Variants in NECAB1 observed in about 807,000 individuals in gnomAD.
NECAB1 encodes the protein N-terminal EF-hand calcium binding protein 1, also known as N-terminal EF-hand calcium-binding protein 1.
NECAB1 carries 29 observed loss-of-function variants against 57.5 expected under a neutral mutation model. The observed-to-expected ratio is 0.50, with a 90% CI of 0.38 to 0.69. The LOEUF (loss-of-function observed/expected upper bound fraction) is 0.69. NECAB1 is among the 30% of genes least tolerant of loss of function. The pLI, the probability that NECAB1 is intolerant of heterozygous loss-of-function variation, is 0.00. For synonymous variants in NECAB1, 142 were observed against 147.7 expected (o/e 0.96, Z 0.28); for missense variants, 372 against 413.8 (o/e 0.90, Z 0.88).
At chr8:90,831,562 G>C (rs540142306) in intron 3 of NECAB1, among the ~76,000 whole-genome samples, 1 of 152,220 alleles carries the variant, frequency 6.6e-6, no homozygotes, top group East Asian at 1.9e-4. Context: ...TGAAGTCAGG[G>C]AGAATTCTGT....
At chr8:90,817,523 A>G (rs151005477) in intron 2 of NECAB1, among the ~76,000 whole-genome samples, 4 of 151,308 alleles carry the variant, frequency 2.6e-5, no homozygotes, top group African/African-American at 9.7e-5. Flanking sequence ...GAGAGTTATT[A>G]ATGGGTGTAT....
rs373303192 is a variant in NECAB1 at position 90,875,213 on chromosome 8, G to A, written c.259+3060G>A. On this transcript the variant is annotated intron_variant, in intron 4 of 12. Transcript: ENST00000417640. Reference sequence around the variant, plus strand: ...ATAGATAGTTGAGGCCGGGCGCGGTGGCTCACGCCTGTAATCCCAGCACTT... The same window carrying A: ...ATAGATAGTTGAGGCCGGGCGCGGTAGCTCACGCCTGTAATCCCAGCACTT... Among the ~76,000 whole-genome samples, 100 of 152,170 alleles carry A rather than the reference G, an allele frequency of 6.6e-4. 1 individual carries two copies. Among genetic ancestry groups the A allele is most frequent in the African/African-American group, 2.1e-3 (88 of 41,522 alleles).
intron 10 of NECAB1, among the ~76,000 whole-genome samples, chr8:90,941,439 A>T (rs929999032): frequency 6.6e-6 from 1 of 152,236 alleles, no homozygotes; most frequent in Non-Finnish European, 1.5e-5. Context: ...GGTACCACCC[A>T]GCTCAGGCTT....
chr8:90,909,987 T>A (rs1252745234), intron 5 of NECAB1, among the ~76,000 whole-genome samples: 1 of 152,072 alleles, frequency 6.6e-6, no homozygotes, highest in East Asian at 1.9e-4. Context: ...AAATCCCTTT[T>A]ATTTGTTTTC....
chr8:90,877,768 A>G (rs1045615853), intron 4 of NECAB1, among the ~76,000 whole-genome samples: 12 of 152,190 alleles, frequency 7.9e-5, no homozygotes, highest in Admixed American at 3.3e-4. Flanking sequence ...GACTGTTTCC[A>G]ACACATACAG....
intron 1 of NECAB1, among the ~76,000 whole-genome samples, chr8:90,798,292 T>G (rs1811696866): frequency 6.6e-6 from 1 of 152,234 alleles, no homozygotes; most frequent in Non-Finnish European, 1.5e-5. Flanking sequence ...TCTTTTCTTT[T>G]TATAACTTAA....
rs548373711 is a variant in NECAB1 at position 90,834,840 on chromosome 8, T to G, written c.233+10015T>G. 1.4e-3 allele frequency among the ~76,000 whole-genome samples: 210 copies of G among 152,142 alleles called. 9 individuals are homozygous for G. Among genetic ancestry groups the G allele is most frequent in the Non-Finnish European group, 4.1e-4 (28 of 68,010 alleles). On this transcript the variant is annotated intron_variant, in intron 3 of 12. Transcript: ENST00000417640. ...TTTTAATCATGGAAAACTCTTGCTTTTAGATTTCTTTTCCTTTTCTACCCT... is the reference window on the plus strand; with the variant it reads ...TTTTAATCATGGAAAACTCTTGCTTGTAGATTTCTTTTCCTTTTCTACCCT...
At chr8:90,795,981 A>G (rs994819064) in intron 1 of NECAB1, among the ~76,000 whole-genome samples, 1 of 152,216 alleles carries the variant, frequency 6.6e-6, no homozygotes, top group Non-Finnish European at 1.5e-5. Context: ...GTACCCCGGA[A>G]CTTAAAAAAT....
intron 5 of NECAB1, among the ~76,000 whole-genome samples, chr8:90,896,861 T>C (rs1363800992): frequency 6.6e-6 from 1 of 151,912 alleles, no homozygotes; most frequent in African/African-American, 2.4e-5. Context: ...CTGCCCTGAC[T>C]CCCGCCAAAG....
chr8:90,841,478 C>A (rs1812453816), intron 3 of NECAB1, among the ~76,000 whole-genome samples: 1 of 152,044 alleles, frequency 6.6e-6, no homozygotes. Context: ...TCTTTGAAAA[C>A]AGAGATTAAC....
intron 11 of NECAB1, among the ~76,000 whole-genome samples, chr8:90,950,469 T>C (rs185977809): frequency 5.9e-5 from 9 of 152,260 alleles, no homozygotes; most frequent in Non-Finnish European, 1.2e-4. Context: ...ATGAAAGAAA[T>C]GTTTGCTCTT....
intron 3 of NECAB1, among the ~76,000 whole-genome samples, chr8:90,870,012 TAGTG>T (rs372188154): frequency 3.9e-5 from 6 of 152,160 alleles, no homozygotes; most frequent in African/African-American, 1.2e-4. Context: ...GTTCTTGTGA[TAGTG>T]AGTAAGGTCT....
chr8:90,952,805 A>T (rs961969332), intron 12 of NECAB1, among the ~76,000 whole-genome samples: 1 of 151,594 alleles, frequency 6.6e-6, no homozygotes, highest in Non-Finnish European at 1.5e-5. Flanking sequence ...AAATTAAAAT[A>T]AAATAAAATA....
Position 90,929,596 on chromosome 8 carries a change from T to TA in NECAB1, c.693+1297_693+1298insA, listed in dbSNP as rs1392668691. 3.9e-5 allele frequency among the ~76,000 whole-genome samples: 6 copies of TA among 152,252 alleles called. No individual in the cohort carries two copies. The East Asian group carries it at 1.2e-3, about 29-fold the overall frequency. On this transcript the variant is annotated intron_variant, in intron 8 of 12. Transcript: ENST00000417640. ...TTCCCAGAAGGAAGAGTCTGGTTGGTCATGGTAGGGTTGCATTGCTGGCCT... is the reference window on the plus strand; with the variant it reads ...TTCCCAGAAGGAAGAGTCTGGTTGGTACATGGTAGGGTTGCATTGCTGGCCT...
chr8:90,792,225 G>A (rs1049110025), intron 1 of NECAB1, among the ~76,000 whole-genome samples: 1 of 152,214 alleles, frequency 6.6e-6, no homozygotes, highest in African/African-American at 2.4e-5. Context: ...TTTCCAACAG[G>A]CTGGGTTTCG....
intron 12 of NECAB1, among the ~76,000 whole-genome samples, chr8:90,955,109 A>AAATT (rs1811003212): frequency 3.0e-5 from 2 of 67,022 alleles, no homozygotes; most frequent in African/African-American, 1.4e-4. Context: ...TTGGGTATAT[A>AAATT]AATTATATAT....
intron 5 of NECAB1, among the ~76,000 whole-genome samples, chr8:90,892,595 G>A (rs541991106): frequency 9.2e-5 from 14 of 152,048 alleles, no homozygotes; most frequent in Non-Finnish European, 2.1e-4. Flanking sequence ...TATTCTCTAC[G>A]ATCAAGTCAG....
chr8:90,932,667 G>A (rs1456390689), intron 8 of NECAB1, among the ~76,000 whole-genome samples: 1 of 152,128 alleles, frequency 6.6e-6, no homozygotes, highest in Non-Finnish European at 1.5e-5. Context: ...CTTGCCGAAA[G>A]TTCCACCACA....
intron 3 of NECAB1, among the ~76,000 whole-genome samples, chr8:90,844,700 C>G (rs1380174197): frequency 6.6e-6 from 1 of 152,216 alleles, no homozygotes; most frequent in Non-Finnish European, 1.5e-5. Flanking sequence ...AATCTAAGCT[C>G]TCTTCACTTT....
Sources: allele counts gnomAD v4.1 joint callset (sites outside exome capture counted in the v4.1 genomes callset), GRCh38; gene constraint gnomAD v4.1.1; transcripts MANE v1.5; gene names NCBI Gene and HGNC (gene_info 2026-07-23, HGNC 2026-07-21).